BAG4: variants seen among roughly 807,000 people sequenced by gnomAD.
BAG4 encodes BAG cochaperone 4, also known as BAG family molecular chaperone regulator 4.
A neutral mutation model predicts 52.1 loss-of-function variants in BAG4; 28 were observed. The observed-to-expected ratio is 0.54, with a 90% CI of 0.40 to 0.74. The LOEUF is 0.74. BAG4 is among the 30% of genes least tolerant of loss of function. BAG4 has a pLI of 0.00. For missense variants in BAG4, 525 were observed against 572.0 expected, an observed-to-expected ratio of 0.92 and a Z score of 0.84; for synonymous variants, 208 against 217.0, an observed-to-expected ratio of 0.96 and a Z score of 0.37.
At chr8:38,206,149 C>G (rs1011445701) in intron 2 of BAG4, among the ~76,000 whole-genome samples, 13 of 151,276 alleles carry the variant, frequency 8.6e-5, no homozygotes, top group African/African-American at 3.2e-4. Context: ...TTATAGCATG[C>G]CTGTAATCCC....
In BAG4 at chr8:38,210,643, G is replaced by T. The variant is rs1422424536; in HGVS notation, c.*150G>T. 12 of 1,033,024 alleles carry T rather than the reference G, an allele frequency of 1.2e-5. No homozygotes were observed. The highest frequency in any genetic ancestry group is 4.3e-5 in the South Asian group (2 of 47,030). 64.0% of individuals were successfully genotyped at this position (1,033,024 alleles called of 1,614,324 possible). On this transcript the variant is annotated 3_prime_UTR_variant, in exon 5 of 5. Coordinates refer to ENST00000287322, the MANE Select transcript of BAG4 (RefSeq NM_004874.4). ...TTTTATACTTGAAAAACTGGCAAAGGAATGGAAGAATATTTTAGTCATGAG... is the reference window on the plus strand; with the variant it reads ...TTTTATACTTGAAAAACTGGCAAAGTAATGGAAGAATATTTTAGTCATGAG...
chr8:38,199,578 C>G (rs1803623386), intron 2 of BAG4, among the ~76,000 whole-genome samples: 1 of 149,592 alleles, frequency 6.7e-6, no homozygotes, highest in Non-Finnish European at 1.5e-5. Flanking sequence ...GGCTGGAGTG[C>G]AGTGGCACAA....
At chr8:38,184,466 CAAATAAAATAAAA>C (rs1357373614) in intron 1 of BAG4, among the ~76,000 whole-genome samples, 1 of 146,598 alleles carries the variant, frequency 6.8e-6, no homozygotes, top group African/African-American at 2.6e-5. Context: ...GACCCTGTCT[CAAATAAAATAAAA>C]TAAAATAAAA....
chr8:38,177,817 C>T (rs1803190902), intron 1 of BAG4, among the ~76,000 whole-genome samples: 1 of 152,044 alleles, frequency 6.6e-6, no homozygotes. Flanking sequence ...TCTCCGTTTT[C>T]CTGCCGGACA....
intron 1 of BAG4, among the ~76,000 whole-genome samples, chr8:38,180,930 A>G (rs888281484): frequency 7.9e-5 from 12 of 151,692 alleles, no homozygotes; most frequent in African/African-American, 2.9e-4. Context: ...AAAAATTAGA[A>G]ATCTATCACT....
intron 2 of BAG4, among the ~76,000 whole-genome samples, chr8:38,195,815 G>GT (rs1173242893): frequency 6.6e-6 from 1 of 152,136 alleles, no homozygotes; most frequent in East Asian, 1.9e-4. Context: ...AATTCATTTG[G>GT]TTTTTAGTAT....
intron 2 of BAG4, among the ~76,000 whole-genome samples, chr8:38,205,202 A>ATTTTTTTT (rs35284937): frequency 1.0e-4 from 8 of 79,238 alleles, no homozygotes; most frequent in Non-Finnish European, 1.1e-4. Context: ...CAGCTAATTA[A>ATTTTTTTT]TTTTTTTTTT....
intron 2 of BAG4, among the ~76,000 whole-genome samples, chr8:38,196,443 G>A (rs1243595570): frequency 6.6e-6 from 1 of 151,358 alleles, no homozygotes; most frequent in Non-Finnish European, 1.5e-5. Context: ...CACGAGGTCA[G>A]GAGATTGAGA....
intron 2 of BAG4, among the ~76,000 whole-genome samples, chr8:38,203,464 TA>T (rs1187226268): frequency 1.3e-5 from 2 of 151,904 alleles, no homozygotes; most frequent in Non-Finnish European, 2.9e-5. Context: ...TTTGTATTTT[TA>T]GTAGAGACAG....
At position 38,176,923 on chromosome 8, in the gene BAG4, C is replaced by T; in HGVS notation, c.54C>T (p.Gly18=). 6.4e-7 allele frequency: 1 copy of T among 1,551,000 alleles called. No individual in the cohort carries two copies. Among genetic ancestry groups the T allele is most frequent in the Non-Finnish European group, 8.7e-7 (1 of 1,147,698 alleles). Residue 18 remains glycine, a synonymous_variant, in exon 1 of 5, where the codon GGC becomes GGT. Transcript: ENST00000287322. ...GYGPSDGPSY[G]RYYGPGGGDV... ...GCCCCAGTGACGGTCCGTCCTACGG[C>T]CGCTACTACGGGCCTGGGGGTGGAG...
chr8:38,199,222 A>G (rs895402954), intron 2 of BAG4, among the ~76,000 whole-genome samples: 1 of 152,228 alleles, frequency 6.6e-6, no homozygotes, highest in African/African-American at 2.4e-5. Context: ...TGACAGCTAC[A>G]CTGTTGCAAG....
At chr8:38,177,339 A>G (rs1279757797) in intron 1 of BAG4, among the ~76,000 whole-genome samples, 200 bp downstream of exon 1, 1 of 152,152 alleles carries the variant, frequency 6.6e-6, no homozygotes, top group Non-Finnish European at 1.5e-5. Context: ...TTCGACCCCA[A>G]AAAATATGTT....
chr8:38,207,642 C>T lies in BAG4; in HGVS notation c.509C>T (p.Pro170Leu). 2.5e-6 allele frequency: 4 copies of T among 1,614,170 alleles called. No homozygotes were observed. In the South Asian group the frequency reaches 4.4e-5, roughly 18 times the overall value. The change falls in exon 3 of 5, where the codon CCA becomes CTA. Residue 170 changes from proline (P) to leucine (L), a missense_variant. Around this residue, in one of 2 missense-constraint regions of BAG4, gnomAD observed 287 missense variants for 266.1 expected, o/e 1.08. Transcript: ENST00000287322. ...CAGACCAGTTACTCCACAGAAGTTC[C>T]AAGTACTTACCGTTCATCTGGCAAC... ...YTQTSYSTEVPSTYRSSGNSP... is the reference protein window; with the variant it reads ...YTQTSYSTEVLSTYRSSGNSP...
At chr8:38,198,183 G>C (rs1238314785) in intron 2 of BAG4, among the ~76,000 whole-genome samples, 1 of 151,420 alleles carries the variant, frequency 6.6e-6, no homozygotes, top group African/African-American at 2.4e-5. Context: ...AGGAAATCGA[G>C]ACCATCCTGG....
chr8:38,212,643 AGTG>A lies in BAG4; in HGVS notation c.*2151_*2153del, dbSNP rs1803883452. 1 of 152,208 alleles carries A rather than the reference AGTG, an allele frequency of 6.6e-6. No homozygotes were observed. The highest frequency in any genetic ancestry group is 2.1e-4 in the South Asian group (1 of 4,838). The allele number at this position is 152,208 out of a possible 1,614,324, so 9.4% of individuals were successfully genotyped here. On this transcript the variant is annotated 3_prime_UTR_variant, in exon 5 of 5. Coordinates refer to ENST00000287322, the MANE Select transcript of BAG4 (RefSeq NM_004874.4). ...TACGTCCTGTCTTCCAGTCTGTGACAGTGTATCATAACAGGGGATACCTGATGT... is the reference window on the plus strand; with the variant it reads ...TACGTCCTGTCTTCCAGTCTGTGACATATCATAACAGGGGATACCTGATGT...
chr8:38,177,578 A>T (rs1332531279), intron 1 of BAG4, among the ~76,000 whole-genome samples: 2 of 152,166 alleles, frequency 1.3e-5, no homozygotes, highest in Non-Finnish European at 2.9e-5. Context: ...CTTTGCGAGG[A>T]GGAGGGATCT....
At chr8:38,188,772 G>A (rs913517137) in intron 1 of BAG4, among the ~76,000 whole-genome samples, 1 of 151,160 alleles carries the variant, frequency 6.6e-6, no homozygotes, top group East Asian at 1.9e-4. Flanking sequence ...TTTAATATCA[G>A]CTTTTTATTT....
intron 2 of BAG4, among the ~76,000 whole-genome samples, chr8:38,193,441 C>A (rs1205435561): frequency 6.6e-6 from 1 of 151,738 alleles, no homozygotes; most frequent in South Asian, 2.1e-4. Flanking sequence ...AACAAAAAAA[C>A]CCCACGAAAA....
intron 2 of BAG4, chr8:38,201,853 TATATATATATATATATATA>T (rs1803670312): frequency 1.5e-4 from 1 of 6,460 alleles, no homozygotes; most frequent in African/African-American, 3.8e-4. Context: ...TATATATATA[TATATATATATATATATATA>T]TATATATATT....
Sources: allele counts gnomAD v4.1 joint callset (sites outside exome capture counted in the v4.1 genomes callset), GRCh38; gene constraint gnomAD v4.1.1; regional missense constraint gnomAD v4.1.1; transcripts MANE v1.5; gene names NCBI Gene and HGNC (gene_info 2026-07-23, HGNC 2026-07-21).